ZNF536: variants seen among roughly 807,000 people sequenced by gnomAD.
The protein encoded by ZNF536 is zinc finger protein 536.
In ZNF536, 13 loss-of-function variants were observed where a neutral mutation model predicts 84.5. The observed-to-expected ratio is 0.15, with a 90% CI of 0.10 to 0.24. The LOEUF (loss-of-function observed/expected upper bound fraction) is 0.24, where lower values mean the gene tolerates loss of function less well. ZNF536 is among the 10% of genes least tolerant of loss of function. ZNF536 has a pLI of 1.00. For missense variants in ZNF536, 1,536 were observed against 1,747.5 expected (o/e 0.88, Z 2.16); for synonymous variants, 811 against 742.5 (o/e 1.09, Z -1.50).
chr19:30,243,092 G>A (rs187906781), intron 1 of ZNF536, among the ~76,000 whole-genome samples: 2 of 152,106 alleles, frequency 1.3e-5, no homozygotes, highest in East Asian at 1.9e-4. Flanking sequence ...TGGAAAAGTT[G>A]CTTAAATATT....
chr19:30,438,842 C>A (rs2051875947), intron 1 of ZNF536, among the ~76,000 whole-genome samples: 2 of 152,072 alleles, frequency 1.3e-5, no homozygotes, highest in East Asian at 1.9e-4. Context: ...CCATGCCTGG[C>A]TAATTATTTT....
chr19:30,699,757 T>A (rs955548202), intron 1 of ZNF536, among the ~76,000 whole-genome samples: 43 of 152,234 alleles, frequency 2.8e-4, no homozygotes, highest in Admixed American at 1.1e-3. Flanking sequence ...TGGGCTGGCA[T>A]CCTCCCATTT....
At chr19:30,679,757 A>G (rs2050893522) in intron 1 of ZNF536, among the ~76,000 whole-genome samples, 1 of 152,210 alleles carries the variant, frequency 6.6e-6, no homozygotes, top group African/African-American at 2.4e-5. Context: ...GGTAGTTAAC[A>G]TTTAAAACTC....
chr19:30,383,641 C>T (rs1158822858), intron 1 of ZNF536, among the ~76,000 whole-genome samples: 1 of 46,912 alleles, frequency 2.1e-5, no homozygotes, highest in Non-Finnish European at 4.5e-5. Flanking sequence ...TTCCTTTCTT[C>T]CTTCCTTTCT....
chr19:30,262,865 G>A (rs1029548207), intron 1 of ZNF536, among the ~76,000 whole-genome samples: 6 of 152,194 alleles, frequency 3.9e-5, no homozygotes, highest in Non-Finnish European at 4.4e-5. Flanking sequence ...ACGCCTCCAA[G>A]GAGGATGAGA....
intron 1 of ZNF536, among the ~76,000 whole-genome samples, chr19:30,399,768 A>G (rs896495608): frequency 1.3e-5 from 2 of 149,008 alleles, no homozygotes; most frequent in Non-Finnish European, 3.0e-5. Context: ...GCACACTGCA[A>G]TCTCCGCCTC....
At chr19:30,641,777 C>T (rs1944088103) in intron 1 of ZNF536, among the ~76,000 whole-genome samples, 14 of 152,162 alleles carry the variant, frequency 9.2e-5, no homozygotes, top group Admixed American at 9.2e-4. Flanking sequence ...CGCCAAATCT[C>T]AAATCCAAGA....
chr19:30,680,448 T>C (rs2147815712), intron 1 of ZNF536, among the ~76,000 whole-genome samples: 1 of 126,794 alleles, frequency 7.9e-6, no homozygotes, highest in East Asian at 2.4e-4. Flanking sequence ...TTCCCCTTCC[T>C]GTGTCCATGT....
chr19:30,375,541 C>G (rs1430229753), intron 1 of ZNF536, among the ~76,000 whole-genome samples: 1 of 152,206 alleles, frequency 6.6e-6, no homozygotes, highest in Admixed American at 6.5e-5. Context: ...CTCACCCCCT[C>G]CACTCGCACA....
chr19:30,473,918 G>C (rs1175477981), intron 2 of ZNF536, among the ~76,000 whole-genome samples: 17 of 152,196 alleles, frequency 1.1e-4, no homozygotes, highest in Admixed American at 1.1e-3. Context: ...CCTTCAGCAA[G>C]ATACTTTCTG....
rs2148198126 is a variant in ZNF536, at chr19:30,444,782, G to T, written c.1220G>T (p.Ser407Ile). The change falls in exon 2 of 5, where the codon AGC (serine) becomes ATC (isoleucine). Residue 407 changes from serine (S) to isoleucine (I), a missense_variant. Physicochemically the swap from Ser to Ile is moderately radical, Grantham distance 142 (BLOSUM62 -2). This residue lies in a region of ZNF536 where 366 missense variants were observed against 364.4 expected (regional missense o/e 1.00). Coordinates refer to ENST00000355537, the MANE Select transcript of ZNF536 (RefSeq NM_014717.3). Reference protein sequence around the residue: ...NKLSVKNKSPSDPEVPVPMGG... With the variant: ...NKLSVKNKSPIDPEVPVPMGG... Reference sequence around the variant, plus strand: ...CTGTCGGTGAAGAACAAGTCCCCCAGCGACCCCGAGGTGCCTGTGCCCATG... The same window carrying T: ...CTGTCGGTGAAGAACAAGTCCCCCATCGACCCCGAGGTGCCTGTGCCCATG... 6.2e-7 allele frequency: 1 copy of T among 1,613,932 alleles called. No homozygotes were observed. Among genetic ancestry groups the T allele is most frequent in the Non-Finnish European group, 8.5e-7 (1 of 1,180,030 alleles).
At chr19:30,503,092 C>T (rs763338843) in intron 2 of ZNF536, among the ~76,000 whole-genome samples, 6 of 152,042 alleles carry the variant, frequency 3.9e-5, no homozygotes, top group Non-Finnish European at 8.8e-5. Flanking sequence ...TTATGCTACT[C>T]AATAAATATT....
chr19:30,690,873 AAAC>A (rs1444978578), intron 1 of ZNF536, among the ~76,000 whole-genome samples: 42 of 152,216 alleles, frequency 2.8e-4, no homozygotes, highest in African/African-American at 9.4e-4. Context: ...CCTCCCCTGC[AAAC>A]AACATGATTT....
At position 30,579,543 on chromosome 19, in the gene ZNF536, C is replaced by T. The variant is rs73924786; in HGVS notation, c.169+30029C>T. Among the ~76,000 whole-genome samples the T allele has an allele frequency of 4.3e-3, 662 of 152,246 alleles. 6 individuals are homozygous for T. The highest frequency in any genetic ancestry group is 0.015 in the African/African-American group (616 of 41,548). On this transcript the variant is annotated intron_variant, in intron 1 of 1. Coordinates refer to the ZNF536 transcript ENST00000592773. The stretch of plus-strand genomic sequence containing the variant: ...GCTCTTCCAAGAGAGCAAATGGAAA[C>T]GCAGAGGCACTTCTGCCCAATTCTG...
At chr19:30,562,595 G>A (rs2046211802), downstream of ZNF536, among the ~76,000 whole-genome samples, 1 of 152,076 alleles carries the variant, frequency 6.6e-6, no homozygotes, top group African/African-American at 2.4e-5. Context: ...TGAGAAGACT[G>A]TATTTTTTAT....
chr19:30,481,781 G>A (rs957489708), intron 2 of ZNF536, among the ~76,000 whole-genome samples: 1 of 152,120 alleles, frequency 6.6e-6, no homozygotes, highest in African/African-American at 2.4e-5. Flanking sequence ...CACCCCAGCA[G>A]TGTACACTGT....
intron 1 of ZNF536, among the ~76,000 whole-genome samples, chr19:30,669,994 G>C (rs944757454): frequency 2.0e-5 from 3 of 152,186 alleles, no homozygotes; most frequent in African/African-American, 7.2e-5. Flanking sequence ...ACAGACTCAC[G>C]CCTGCATCTG....
intron 1 of ZNF536, among the ~76,000 whole-genome samples, chr19:30,588,178 C>T (rs1470552425): frequency 6.6e-6 from 1 of 152,208 alleles, no homozygotes; most frequent in Admixed American, 6.5e-5. Context: ...TTTACTGGCT[C>T]ATATGGTGGT....
intron 2 of ZNF536, among the ~76,000 whole-genome samples, chr19:30,509,503 T>C (rs1400213739): frequency 1.3e-5 from 2 of 148,416 alleles, no homozygotes; most frequent in African/African-American, 4.9e-5. Flanking sequence ...ATATAATATA[T>C]ATTATTTGTG....
Sources: gnomAD v4.1 joint callset for allele counts (sites outside exome capture counted in the v4.1 genomes callset) on GRCh38, gnomAD v4.1.1 for gene constraint, gnomAD v4.1.1 regional missense constraint, MANE v1.5 for transcripts, NCBI Gene and HGNC (gene_info 2026-07-23, HGNC 2026-07-21) for gene names.